Variants in PRDM10 observed in about 807,000 individuals in gnomAD.
PRDM10 encodes the protein PR domain zinc finger protein 10.
A neutral mutation model predicts 133.1 loss-of-function variants in PRDM10; 65 were observed. The ratio of observed to expected loss-of-function variants is 0.49; its 90% CI spans 0.40 to 0.60. The LOEUF (loss-of-function observed/expected upper bound fraction) is 0.60, where lower values mean the gene tolerates loss of function less well. Ranked by LOEUF, PRDM10 falls within the 20% of genes least tolerant of loss-of-function variation. The pLI, the probability that PRDM10 is intolerant of heterozygous loss-of-function variation, is 0.00. For synonymous variants in PRDM10, 582 were observed against 580.4 expected, an observed-to-expected ratio of 1.00 and a Z score of -0.04; for missense variants, 1,137 against 1,507.1, an observed-to-expected ratio of 0.75 and a Z score of 4.07.
intron 1 of PRDM10, among the ~76,000 whole-genome samples, chr11:129,981,473 T>C (rs954247798): frequency 2.6e-5 from 4 of 152,218 alleles, no homozygotes; most frequent in Non-Finnish European, 5.9e-5. Context: ...TACTTTTTTT[T>C]CCATTATCTT....
intron 4 of PRDM10, among the ~76,000 whole-genome samples, chr11:129,952,826 T>C (rs1437320921): frequency 1.3e-5 from 2 of 152,148 alleles, no homozygotes; most frequent in South Asian, 2.1e-4. Context: ...GGCCAATTCA[T>C]GGCCAATCTT....
At chr11:129,952,978 C>CTT (rs35319349) in intron 4 of PRDM10, among the ~76,000 whole-genome samples, 2 of 146,174 alleles carry the variant, frequency 1.4e-5, no homozygotes, top group South Asian at 2.2e-4. Flanking sequence ...TAAAATTAGT[C>CTT]TTTTTTTTTT....
At chr11:129,942,694 T>G in intron 6 of PRDM10, 65 bp from the exon 7 acceptor site, 1 of 1,387,930 alleles carries the variant, frequency 7.2e-7, no homozygotes, top group Non-Finnish European at 1.0e-6. Context: ...CATTTTATAA[T>G]GTCACAATAC....
intron 4 of PRDM10, among the ~76,000 whole-genome samples, chr11:129,950,888 G>T (rs1421353011): frequency 6.6e-6 from 1 of 152,186 alleles, no homozygotes; most frequent in Non-Finnish European, 1.5e-5. Context: ...CTGGCTTCTT[G>T]CCACTGCTGA....
intron 1 of PRDM10, among the ~76,000 whole-genome samples, chr11:129,990,656 G>C (rs1048976270): frequency 9.2e-5 from 14 of 151,490 alleles, no homozygotes; most frequent in African/African-American, 3.4e-4. Flanking sequence ...ATTTTGTAGA[G>C]ACGGAGGTCT....
chr11:129,939,450 A>G (rs1257213966), intron 7 of PRDM10, among the ~76,000 whole-genome samples: 1 of 152,210 alleles, frequency 6.6e-6, no homozygotes, highest in East Asian at 1.9e-4. Flanking sequence ...TTTTACTATT[A>G]TAAATCCTAC....
rs774496086 is a variant in PRDM10, at chr11:129,960,915, T to G, written c.50A>C (p.His17Pro). 2 of 1,614,202 alleles carry G rather than the reference T, an allele frequency of 1.2e-6. No homozygotes were observed. The highest frequency in any genetic ancestry group is 4.5e-5 in the East Asian group (2 of 44,884). The change falls in exon 2 of 21, where the codon CAT becomes CCT. Residue 17 changes from histidine to proline, a missense_variant. Physicochemically the swap from His to Pro is moderately conservative, Grantham distance 77. This residue lies in a region of PRDM10 where 635 missense variants were observed against 835.2 expected (regional missense o/e 0.76). Transcript: ENST00000360871. ...CTTCACCTGTGCGGCATTCTGTTCA[T>G]GCTCTGCAGATGTCGGCCACACATG... The part of the protein sequence containing the change: ...SSHVWPTSAE[H>P]EQNAAQVHFV...
At chr11:129,963,616 CCT>C (rs922055484) in intron 1 of PRDM10, among the ~76,000 whole-genome samples, 6 of 151,840 alleles carry the variant, frequency 4.0e-5, no homozygotes, top group African/African-American at 7.3e-5. Context: ...TACTATTTCC[CCT>C]CTTTCTCTTT....
At chr11:129,951,420 A>T (rs1264193532) in intron 4 of PRDM10, among the ~76,000 whole-genome samples, 1 of 152,204 alleles carries the variant, frequency 6.6e-6, no homozygotes, top group Non-Finnish European at 1.5e-5. Context: ...CATGTCCCTG[A>T]GGTCATAGCC....
At chr11:129,925,281 C>T in intron 11 of PRDM10, 52 bp from the exon 12 acceptor site, 1 of 1,472,838 alleles carries the variant, frequency 6.8e-7, no homozygotes, top group South Asian at 1.3e-5. Context: ...AAGAGTGCAA[C>T]TGGATCACAC....
chr11:129,965,748 A>AAT (rs1555111726), intron 1 of PRDM10, among the ~76,000 whole-genome samples: 2,274 of 151,568 alleles, frequency 0.015, 53 homozygotes, highest in African/African-American at 0.052. Flanking sequence ...CAAAAAAAAA[A>AAT]ATATATATAT....
At chr11:129,983,298 CTTT>C (rs71473897) in intron 1 of PRDM10, among the ~76,000 whole-genome samples, 11 of 135,290 alleles carry the variant, frequency 8.1e-5, no homozygotes, top group African/African-American at 1.6e-4. Context: ...TTTATTTCTC[CTTT>C]TTTTTTTTTT....
chr11:129,962,384 T>C (rs904627344), intron 1 of PRDM10, among the ~76,000 whole-genome samples: 1 of 152,224 alleles, frequency 6.6e-6, no homozygotes, highest in South Asian at 2.1e-4. Flanking sequence ...GAGGATGCCA[T>C]GTCCATCTTC....
At chr11:129,912,530 T>A (rs1451026108) in intron 17 of PRDM10, among the ~76,000 whole-genome samples, 1 of 152,016 alleles carries the variant, frequency 6.6e-6, no homozygotes. Flanking sequence ...GGCGGGTGGA[T>A]CACGAGGTCA....
At chr11:129,907,593 C>T (rs1286235893) in intron 19 of PRDM10, among the ~76,000 whole-genome samples, 3 of 151,726 alleles carry the variant, frequency 2.0e-5, no homozygotes, top group East Asian at 3.9e-4. Context: ...TCAGTACAGG[C>T]GGGGTTTCAT....
intron 20 of PRDM10, among the ~76,000 whole-genome samples, chr11:129,902,870 A>G (rs1299154132): frequency 6.6e-6 from 1 of 151,938 alleles, no homozygotes; most frequent in Non-Finnish European, 1.5e-5. Context: ...CGATCTTAAG[A>G]TTAATACAGA....
chr11:129,916,959 A>G (rs1024423165), intron 15 of PRDM10, among the ~76,000 whole-genome samples, 168 bp downstream of exon 15: 22 of 152,226 alleles, frequency 1.4e-4, no homozygotes, highest in African/African-American at 3.9e-4. Flanking sequence ...TTGGCTTAAA[A>G]TAAGGCTGTA....
In PRDM10 at chr11:129,918,731, T is replaced by C. The variant is rs1325813795; in HGVS notation, c.2035-13A>G. ...GTTTGTCTTTTCGCTATTTGGAGAG[T>C]ATTTTTGAAAACGGGGTAGACACGG... On this transcript the variant is annotated splice_polypyrimidine_tract_variant and intron_variant, in intron 13 of 20. Coordinates refer to ENST00000360871, the MANE Select transcript of PRDM10 (RefSeq NM_199437.2). This position sits in a 1 kb window ranked among gnomAD's most constrained non-coding sequence, Gnocchi z 5.3. The C allele has an allele frequency of 1.3e-6, 2 of 1,595,244 alleles. No homozygotes were observed. The highest frequency in any genetic ancestry group is 1.8e-5 in the Admixed American group (1 of 57,086).
rs764673235 is a variant in PRDM10, at chr11:129,914,882, G to C, written c.2663C>G (p.Thr888Ser). 3.7e-6 allele frequency: 6 copies of C among 1,614,160 alleles called. No homozygotes were observed. The highest frequency in any genetic ancestry group is 2.5e-6 in the Non-Finnish European group (3 of 1,180,030). Residue 888 changes from threonine (T) to serine (S), a missense_variant, in exon 17 of 21, where the codon ACT becomes AGT. By Grantham distance (58) the Thr-to-Ser change is moderately conservative (BLOSUM62 1). Around this residue, in one of 6 missense-constraint regions of PRDM10, gnomAD observed 113 missense variants for 143.7 expected, o/e 0.79. Transcript: ENST00000360871. ...VLTTDSATGE[T>S]VVTTDLLTQA... Reference sequence around the variant, plus strand: ...GGTGAGCAGGTCCGTCGTCACCACAGTCTCTCCAGTGGCGCTGTCTGTAGT... The same window carrying C: ...GGTGAGCAGGTCCGTCGTCACCACACTCTCTCCAGTGGCGCTGTCTGTAGT...
Sources: allele counts gnomAD v4.1 joint callset (sites outside exome capture counted in the v4.1 genomes callset), GRCh38; gene constraint gnomAD v4.1.1; regional missense constraint gnomAD v4.1.1; non-coding constraint Gnocchi (gnomAD v3.1); transcripts MANE v1.5; gene names NCBI Gene and HGNC (gene_info 2026-07-23, HGNC 2026-07-21).